CFAP61: variants seen among roughly 807,000 people sequenced by gnomAD.
CFAP61 encodes cilia- and flagella-associated protein 61.
In CFAP61, 107 loss-of-function variants were observed where a neutral mutation model predicts 135.6. That is an observed-to-expected ratio of 0.79 (90% CI 0.67 to 0.93). CFAP61 has a LOEUF of 0.93. Ranked by LOEUF, CFAP61 falls within the 40% of genes least tolerant of loss-of-function variation. The probability of loss-of-function intolerance (pLI) is 0.00; values close to 1 mark genes in which losing one functional copy is unlikely to be tolerated. For missense variants in CFAP61, 1,507 were observed against 1,556.2 expected (o/e 0.97, Z 0.53); for synonymous variants, 575 against 578.5 (o/e 0.99, Z 0.09).
intron 6 of CFAP61, among the ~76,000 whole-genome samples, chr20:20,083,797 C>G (rs554453891): frequency 5.9e-5 from 9 of 152,318 alleles, no homozygotes; most frequent in Admixed American, 5.2e-4. Context: ...TGGAGCCATA[C>G]TAGCCCAGGA....
Position 20,098,751 on chromosome 20 carries a change from T to C in CFAP61, c.796T>C (p.Cys266Arg). 1 of 1,614,138 alleles carries C rather than the reference T, an allele frequency of 6.2e-7. No individual in the cohort carries two copies. The highest frequency in any genetic ancestry group is 8.5e-7 in the Non-Finnish European group (1 of 1,180,024). ...TGACTTGGGCCCTTTCCACGGACTC[T>C]GTTTCCCACATCCTGATGACGTTCT... is the stretch of plus-strand genomic sequence containing the variant. ...CFDLGPFHGL[C>R]FPHPDDVLES... The change falls in exon 8 of 27, where the codon TGT becomes CGT. Residue 266 changes from cysteine (C) to arginine (R), a missense_variant. Physicochemically the swap from Cys to Arg is radical, Grantham distance 180. Coordinates refer to ENST00000245957, the MANE Select transcript of CFAP61 (RefSeq NM_015585.4).
intron 24 of CFAP61, among the ~76,000 whole-genome samples, chr20:20,292,308 G>A (rs1380862584): frequency 1.3e-5 from 2 of 152,218 alleles, no homozygotes; most frequent in Non-Finnish European, 2.9e-5. Context: ...GAAAAGGGTA[G>A]ATGCTGTATG....
chr20:20,349,216 C>A (rs1466112498), intron 26 of CFAP61, among the ~76,000 whole-genome samples: 1 of 152,142 alleles, frequency 6.6e-6, no homozygotes, highest in Non-Finnish European at 1.5e-5. Flanking sequence ...TAGAAGAACA[C>A]CTGAGACTGG....
chr20:20,204,164 G>A (rs955230029), intron 17 of CFAP61, among the ~76,000 whole-genome samples: 1 of 152,104 alleles, frequency 6.6e-6, no homozygotes, highest in Non-Finnish European at 1.5e-5. Flanking sequence ...CTCTCTCTCA[G>A]TTATTTTCAG....
chr20:20,128,330 C>T (rs1284367023), intron 8 of CFAP61, among the ~76,000 whole-genome samples: 2 of 151,742 alleles, frequency 1.3e-5, no homozygotes, highest in Non-Finnish European at 2.9e-5. Context: ...AATGGCCTGC[C>T]TGGGAACCCA....
intron 25 of CFAP61, among the ~76,000 whole-genome samples, chr20:20,339,058 AGCTGTGC>A (rs1167330776): frequency 3.3e-5 from 5 of 152,152 alleles, no homozygotes; most frequent in Admixed American, 6.5e-5. Flanking sequence ...TTTTTCTCCC[AGCTGTGC>A]AAAAATGATT....
intron 25 of CFAP61, among the ~76,000 whole-genome samples, chr20:20,325,859 C>T (rs2057729310): frequency 6.6e-6 from 1 of 152,242 alleles, no homozygotes; most frequent in Admixed American, 6.5e-5. Flanking sequence ...TGTTGTTCCA[C>T]ATCCATGTCA....
intron 2 of CFAP61, among the ~76,000 whole-genome samples, chr20:20,065,829 A>G (rs1263009340): frequency 6.6e-6 from 1 of 152,114 alleles, no homozygotes; most frequent in Admixed American, 6.6e-5. Context: ...GATCGGGGGG[A>G]CAGAACTGTG....
At chr20:20,243,719 G>A (rs1022551551) in intron 18 of CFAP61, among the ~76,000 whole-genome samples, 1 of 152,120 alleles carries the variant, frequency 6.6e-6, no homozygotes, top group Non-Finnish European at 1.5e-5. Flanking sequence ...TTACAGGTAT[G>A]AGCCACCATG....
chr20:20,116,069 A>G (rs1257730717), intron 8 of CFAP61, among the ~76,000 whole-genome samples: 1 of 152,148 alleles, frequency 6.6e-6, no homozygotes, highest in Non-Finnish European at 1.5e-5. Context: ...ACATATGTAT[A>G]TGTTTGGGTT....
At chr20:20,357,851 AGT>A (rs71198056) in intron 26 of CFAP61, among the ~76,000 whole-genome samples, 1,556 of 16,358 alleles carry the variant, frequency 0.095, 1 homozygote, top group African/African-American at 0.2. Context: ...AGGTGGTCAC[AGT>A]GTGAGGGGAG....
At chr20:20,133,611 C>A (rs575507939) in intron 8 of CFAP61, among the ~76,000 whole-genome samples, 43 of 152,320 alleles carry the variant, frequency 2.8e-4, no homozygotes, top group African/African-American at 1.0e-3. Context: ...AACCCATGTT[C>A]ACACACAAAA....
Position 20,169,465 on chromosome 20 carries a change from G to T in CFAP61, c.1385+5G>T. ...CCACCGGGCTGGATTGCTCAAGTGA[G>T]TAGACACATGTTTGGCCACACAACA... On this transcript the variant is annotated splice_donor_5th_base_variant and intron_variant, in intron 13 of 26. Coordinates refer to ENST00000245957, the MANE Select transcript of CFAP61 (RefSeq NM_015585.4). 3 of 1,600,324 alleles carry T rather than the reference G, an allele frequency of 1.9e-6. No individual in the cohort carries two copies. Among genetic ancestry groups the T allele is most frequent in the Non-Finnish European group, 2.6e-6 (3 of 1,171,668 alleles).
intron 15 of CFAP61, among the ~76,000 whole-genome samples, chr20:20,193,600 AAATTATTATAAT>A (rs1405505132): frequency 6.6e-6 from 1 of 151,864 alleles, no homozygotes; most frequent in African/African-American, 2.4e-5. Flanking sequence ...AATTCTATTC[AAATTATTATAAT>A]AATTATTATT....
At chr20:20,333,287 C>T (rs1316432644) in intron 25 of CFAP61, among the ~76,000 whole-genome samples, 2 of 152,134 alleles carry the variant, frequency 1.3e-5, no homozygotes, top group African/African-American at 2.4e-5. Context: ...TCCTTGAATT[C>T]GGATAGTAAC....
intron 15 of CFAP61, among the ~76,000 whole-genome samples, chr20:20,193,748 GAATTA>G (rs1183765957): frequency 2.6e-5 from 4 of 152,088 alleles, no homozygotes; most frequent in Non-Finnish European, 5.9e-5. Flanking sequence ...TGAGTAGCTG[GAATTA>G]CAGGTGTGCA....
chr20:20,189,567 T>C (rs2055765978), intron 14 of CFAP61, among the ~76,000 whole-genome samples: 1 of 150,612 alleles, frequency 6.6e-6, no homozygotes, highest in Non-Finnish European at 1.5e-5. Context: ...AACGTCCTAG[T>C]GGTCCTGGTG....
rs539445496 is a variant in CFAP61, at chr20:20,175,932, C to T, written c.1385+6472C>T. Among the ~76,000 whole-genome samples the T allele has an allele frequency of 6.9e-4, 104 of 151,802 alleles. 2 individuals are homozygous for T. The highest frequency in any genetic ancestry group is 2.3e-3 in the African/African-American group (95 of 41,358). The stretch of plus-strand genomic sequence containing the variant: ...GAGTGAGCAGACAACCTACAGAATG[C>T]GAGAAAATTTTTGCAATCTATCCAT... On this transcript the variant is annotated intron_variant, in intron 13 of 26. Transcript: ENST00000245957.
intron 25 of CFAP61, among the ~76,000 whole-genome samples, chr20:20,317,311 A>G (rs1460497116): frequency 1.3e-5 from 2 of 152,086 alleles, no homozygotes; most frequent in Non-Finnish European, 2.9e-5. Flanking sequence ...TCACCCCTGG[A>G]GGGACTGTTC....
Sources: gnomAD v4.1 joint callset for allele counts (sites outside exome capture counted in the v4.1 genomes callset) on GRCh38, gnomAD v4.1.1 for gene constraint, MANE v1.5 for transcripts, NCBI Gene and HGNC (gene_info 2026-07-23, HGNC 2026-07-21) for gene names.